RBPJ: variants seen among roughly 807,000 people sequenced by gnomAD.
RBPJ encodes recombination signal binding protein for immunoglobulin kappa J region, also known as recombining binding protein suppressor of hairless.
A neutral mutation model predicts 67.8 loss-of-function variants in RBPJ; 9 were observed. That is an observed-to-expected ratio of 0.13 (90% CI 0.08 to 0.23). The LOEUF (loss-of-function observed/expected upper bound fraction) is 0.23, where lower values mean the gene tolerates loss of function less well. RBPJ is among the 10% of genes least tolerant of loss of function. RBPJ has a pLI of 1.00. For missense variants in RBPJ, 305 were observed against 595.6 expected, an observed-to-expected ratio of 0.51 and a Z score of 5.08; for synonymous variants, 198 against 203.3, an observed-to-expected ratio of 0.97 and a Z score of 0.22.
chr4:26,353,645 C>T (rs1220336338), intron 1 of RBPJ, among the ~76,000 whole-genome samples: 1 of 143,520 alleles, frequency 7.0e-6, no homozygotes, highest in Admixed American at 7.2e-5. Flanking sequence ...CTTGCTCTGT[C>T]ACACCCAAGC....
chr4:26,132,267 A>C, the RBPJ span, among the ~76,000 whole-genome samples: 270 of 152,328 alleles, frequency 1.8e-3, no homozygotes, highest in African/African-American at 6.4e-3. Flanking sequence ...TGTGGACTCC[A>C]AGATTCACCT....
chr4:26,405,123 C>A (rs998003025), intron 2 of RBPJ, among the ~76,000 whole-genome samples: 2 of 152,158 alleles, frequency 1.3e-5, no homozygotes, highest in Non-Finnish European at 2.9e-5. Flanking sequence ...CTCCTTTAAT[C>A]CCCTCAGCCA....
At chr4:26,231,858 A>AT (rs1318111324) in intron 1 of RBPJ, among the ~76,000 whole-genome samples, 54 of 149,600 alleles carry the variant, frequency 3.6e-4, no homozygotes, top group Middle Eastern at 3.4e-3. Context: ...CTTATGCTTT[A>AT]TTTTTTTTTA....
intron 2 of RBPJ, among the ~76,000 whole-genome samples, chr4:26,392,103 G>A (rs543944031): frequency 6.6e-6 from 1 of 152,122 alleles, no homozygotes; most frequent in African/African-American, 2.4e-5. Flanking sequence ...AGGAATTTTG[G>A]GGGGACACAT....
intron 1 of RBPJ, among the ~76,000 whole-genome samples, chr4:26,298,033 A>T (rs1438199076): frequency 6.6e-6 from 1 of 152,208 alleles, no homozygotes; most frequent in Non-Finnish European, 1.5e-5. Context: ...ACAATCACTG[A>T]TACAAATGTT....
the RBPJ span, among the ~76,000 whole-genome samples, chr4:26,109,410 TCC>T: frequency 5.2e-5 from 4 of 76,398 alleles, no homozygotes; most frequent in African/African-American, 9.5e-5. Context: ...CTGTCCACCT[TCC>T]TCTCTCTCTC....
intron 1 of RBPJ, among the ~76,000 whole-genome samples, chr4:26,255,359 G>C (rs868837371): frequency 1.9e-5 from 2 of 108,052 alleles, no homozygotes; most frequent in South Asian, 3.1e-4. Context: ...AGCCGAGATC[G>C]CGCCACCGCA....
chr4:26,219,313 G>A (rs1285149105), intron 1 of RBPJ, among the ~76,000 whole-genome samples: 2 of 152,290 alleles, frequency 1.3e-5, no homozygotes, highest in East Asian at 1.9e-4. Context: ...TTAACCTCAA[G>A]CATGGTGATT....
intron 1 of RBPJ, among the ~76,000 whole-genome samples, chr4:26,181,689 T>C (rs1717001839): frequency 6.6e-6 from 1 of 152,196 alleles, no homozygotes; most frequent in African/African-American, 2.4e-5. Context: ...AACAAACCAG[T>C]ATAGCATGTG....
chr4:26,330,202 T>C (rs985612649), intron 1 of RBPJ, among the ~76,000 whole-genome samples: 3 of 152,222 alleles, frequency 2.0e-5, no homozygotes, highest in Non-Finnish European at 2.9e-5. Context: ...ACACTTAACA[T>C]TGTTCTGCAA....
At chr4:26,400,318 G>A (rs1407999933) in intron 2 of RBPJ, among the ~76,000 whole-genome samples, 2 of 152,172 alleles carry the variant, frequency 1.3e-5, no homozygotes, top group Non-Finnish European at 1.5e-5. Context: ...TTCAAGGAAG[G>A]GTGCTACTGG....
intron 1 of RBPJ, among the ~76,000 whole-genome samples, chr4:26,186,648 C>A (rs1336285325): frequency 6.6e-6 from 1 of 152,128 alleles, no homozygotes; most frequent in African/African-American, 2.4e-5. Flanking sequence ...CTTTCACAGA[C>A]CTGCTGAGGT....
At chr4:26,340,408 CAA>C (rs1349701750) in intron 1 of RBPJ, among the ~76,000 whole-genome samples, 1 of 152,162 alleles carries the variant, frequency 6.6e-6, no homozygotes, top group African/African-American at 2.4e-5. Flanking sequence ...AGGTTTTAGA[CAA>C]AGAGGAACTT....
chr4:26,147,830 G>A, the RBPJ span, among the ~76,000 whole-genome samples: 1 of 152,184 alleles, frequency 6.6e-6, no homozygotes, highest in Non-Finnish European at 1.5e-5. Context: ...GGAGGCTGTT[G>A]CAGTAATTTG....
At chr4:26,242,211 C>T (rs1239079564) in intron 1 of RBPJ, among the ~76,000 whole-genome samples, 1 of 151,898 alleles carries the variant, frequency 6.6e-6, no homozygotes, top group Non-Finnish European at 1.5e-5. Flanking sequence ...ACTATGGGAG[C>T]CCGAGGCGGG....
chr4:26,109,425 C>CTCT, the RBPJ span, among the ~76,000 whole-genome samples: 24 of 22,914 alleles, frequency 1.0e-3, 6 homozygotes, highest in Admixed American at 4.0e-3. Context: ...TCTCTCTCTC[C>CTCT]CTCTCTCTCT....
chr4:26,377,132 C>A (rs1035194492), intron 1 of RBPJ, among the ~76,000 whole-genome samples: 2 of 152,134 alleles, frequency 1.3e-5, no homozygotes, highest in African/African-American at 4.8e-5. Context: ...AGTAATCCAG[C>A]CTTGAAAGAG....
intron 1 of RBPJ, among the ~76,000 whole-genome samples, chr4:26,234,575 A>G (rs970691154): frequency 1.2e-4 from 18 of 152,110 alleles, no homozygotes; most frequent in African/African-American, 4.1e-4. Flanking sequence ...CTCTATATAA[A>G]TTGTACCAGT....
intron 1 of RBPJ, among the ~76,000 whole-genome samples, chr4:26,270,115 C>T (rs1720829826): frequency 1.3e-5 from 2 of 151,342 alleles, no homozygotes; most frequent in South Asian, 4.2e-4. Context: ...AACCTCACCT[C>T]TACTAACAAT....
Sources: gnomAD v4.1 joint callset for allele counts (sites outside exome capture counted in the v4.1 genomes callset) on GRCh38, gnomAD v4.1.1 for gene constraint, MANE v1.5 for transcripts, NCBI Gene and HGNC (gene_info 2026-07-23, HGNC 2026-07-21) for gene names.